TTN: variants seen among roughly 807,000 people sequenced by gnomAD.
TTN encodes the protein connectin.
A neutral mutation model predicts 3,223.0 loss-of-function variants in TTN; 1,525 were observed. The observed-to-expected ratio is 0.47, with a 90% CI of 0.45 to 0.49. The LOEUF (loss-of-function observed/expected upper bound fraction) is 0.49. TTN is among the 20% of genes least tolerant of loss of function. The probability of loss-of-function intolerance (pLI) is 0.00; values close to 1 mark genes in which losing one functional copy is unlikely to be tolerated. For synonymous variants in TTN, 14,094 were observed against 15,161.0 expected, an observed-to-expected ratio of 0.93 and a Z score of 5.17; for missense variants, 40,786 against 43,424.0, an observed-to-expected ratio of 0.94 and a Z score of 5.40.
chr2:178,554,481 A>G lies in TTN; in HGVS notation c.88866T>C (p.Ser29622=), dbSNP rs779622110. ...ATGCGTTCTTGGCTACAACGGAATC[A>G]GATTCCAGTGGCTCGCCAATTCCAT... is the stretch of plus-strand genomic sequence containing the variant. ...NKYGIGEPLE[S]DSVVAKNAFV... is the part of the protein sequence containing the mutation. Residue 29622 remains serine, a synonymous_variant, in exon 332 of 363, where the codon TCT becomes TCC. Transcript: ENST00000589042. 1 of 1,613,458 alleles carries G rather than the reference A, an allele frequency of 6.2e-7. No homozygotes were observed. The highest frequency in any genetic ancestry group is 8.5e-7 in the Non-Finnish European group (1 of 1,179,730).
At chr2:178,616,411 C>T in intron 257 of TTN, 68 bp downstream of exon 257, 2 of 1,581,742 alleles carry the variant, frequency 1.3e-6, no homozygotes, top group Non-Finnish European at 1.7e-6. Flanking sequence ...TTTTGTATGG[C>T]ATCCCAACCT....
Position 178,789,971 on chromosome 2 carries a change from T to C in TTN, c.1938+7A>G. 1.2e-6 allele frequency: 2 copies of C among 1,612,738 alleles called. No individual in the cohort carries two copies. Among genetic ancestry groups the C allele is most frequent in the East Asian group, 4.5e-5 (2 of 44,702 alleles). On this transcript the variant is annotated splice_region_variant and intron_variant, in intron 12 of 362. Transcript: ENST00000589042. ...GAACTTTTCACAGCTCAAATATCTG[T>C]ATTCACCTTCTCCTGAGTTATTTGC...
intron 13 of TTN, 83 bp downstream of exon 13, chr2:178,789,269 ATATTAATG>A: frequency 6.5e-7 from 1 of 1,530,658 alleles, no homozygotes; most frequent in African/African-American, 1.4e-5. Flanking sequence ...CAGAGACTTG[ATATTAATG>A]TATTACAATA....
At chr2:178,577,922 TCAAA>T in intron 322 of TTN, 24 bp from the exon 323 acceptor site, 1 of 1,586,534 alleles carries the variant, frequency 6.3e-7, no homozygotes, top group Non-Finnish European at 8.6e-7. Context: ...GCAAAACCAG[TCAAA>T]CAAATACCAG....
At position 178,530,855 on chromosome 2, in the gene TTN, T is replaced by G. The variant is rs1444261180; in HGVS notation, c.105760A>C (p.Lys35254Gln). The G allele has an allele frequency of 6.2e-7, 1 of 1,613,904 alleles. No homozygotes were observed. The highest frequency in any genetic ancestry group is 8.5e-7 in the Non-Finnish European group (1 of 1,179,868). ...TTCGGGTGAGAAGGTTCTGGAGATTTCACTCGTTTTGGAGACTTAACTGCT... is the reference window on the plus strand; with the variant it reads ...TTCGGGTGAGAAGGTTCTGGAGATTGCACTCGTTTTGGAGACTTAACTGCT... ...PEAVKSPKRVKSPEPSHPKAV... is the reference protein window; with the variant it reads ...PEAVKSPKRVQSPEPSHPKAV... Residue 35254 changes from lysine to glutamine, a missense_variant, in exon 358 of 363, where the codon AAA becomes CAA. Physicochemically the swap from Lys to Gln is moderately conservative, Grantham distance 53. Coordinates refer to ENST00000589042, the MANE Select transcript of TTN (RefSeq NM_001267550.2).
chr2:178,733,906 G>A lies in TTN; in HGVS notation c.15497-14C>T, dbSNP rs376164442. 1.3e-6 allele frequency: 2 copies of A among 1,571,170 alleles called. No homozygotes were observed. Among genetic ancestry groups the A allele is most frequent in the Admixed American group, 1.8e-5 (1 of 54,324 alleles). The stretch of plus-strand genomic sequence containing the variant: ...AGGTTGGAGGTTCTAGTTAAGGAAA[G>A]AGAGCATATAAAACATATCAATTCC... On this transcript the variant is annotated splice_polypyrimidine_tract_variant and intron_variant, in intron 52 of 362. Transcript: ENST00000589042.
intron 49 of TTN, 198 bp downstream of exon 49, chr2:178,737,884 G>C (rs1487624048): frequency 1.9e-6 from 1 of 530,362 alleles, no homozygotes; most frequent in African/African-American, 1.9e-5. Flanking sequence ...TTTTTTCTTT[G>C]GTCAGTAGTA....
chr2:178,575,457 C>T lies in TTN; in HGVS notation c.70675G>A (p.Asp23559Asn), dbSNP rs777257261. 5.6e-6 allele frequency: 9 copies of T among 1,613,468 alleles called. No homozygotes were observed. The highest frequency in any genetic ancestry group is 2.7e-5 in the African/African-American group (2 of 74,912). The change falls in exon 326 of 363, where the codon GAT becomes AAT. Residue 23559 changes from aspartate (D) to asparagine (N), a missense_variant. Physicochemically the swap from Asp to Asn is conservative, Grantham distance 23. Transcript: ENST00000589042. This position sits in a 1 kb window ranked among gnomAD's most constrained non-coding sequence, Gnocchi z 4.0. Reference sequence around the variant, plus strand: ...TAGCCAGTGATCTTGCTGCCACCATCGTGTTTGGGCTTAGGCCATGCCAGG... The same window carrying T: ...TAGCCAGTGATCTTGCTGCCACCATTGTGTTTGGGCTTAGGCCATGCCAGG... ...VSLAWPKPKH[D>N]GGSKITGYVI...
chr2:178,671,050 G>A, intron 156 of TTN, 40 bp downstream of exon 156: 1 of 1,473,884 alleles, frequency 6.8e-7, no homozygotes, highest in Middle Eastern at 1.8e-4. Context: ...AGGTGCTATT[G>A]TATGTAAAGT....
Position 178,547,469 on chromosome 2 carries a change from T to C in TTN, c.94157A>G (p.Glu31386Gly). Reference protein sequence around the residue: ...YMEYSFRVSSENRFGVSKPLE... With the variant: ...YMEYSFRVSSGNRFGVSKPLE... ...AGGTTTGCTGACACCAAATCTGTTC[T>C]CTGAACTGACACGGAAAGAATATTC... Residue 31386 changes from glutamate (E) to glycine (G), a missense_variant, in exon 339 of 363, where the codon GAG becomes GGG. Transcript: ENST00000589042. 1.2e-6 allele frequency: 2 copies of C among 1,612,350 alleles called. No homozygotes were observed. The highest frequency in any genetic ancestry group is 1.7e-6 in the Non-Finnish European group (2 of 1,179,002).
rs1693456839 is a variant in TTN, at chr2:178,539,747, T to C, written c.98318A>G (p.Tyr32773Cys). Residue 32773 changes from tyrosine (Y) to cysteine (C), a missense_variant, in exon 352 of 363, where the codon TAT becomes TGT. Physicochemically the swap from Tyr to Cys is radical, Grantham distance 194. Transcript: ENST00000589042. ...ACATTTATTTTCCAGAACCAGGTCATAAGTGCCAGAATCACCCCTGTCTGC... is the reference window on the plus strand; with the variant it reads ...ACATTTATTTTCCAGAACCAGGTCACAAGTGCCAGAATCACCCCTGTCTGC... ...KEADRGDSGTYDLVLENKCGK... is the reference protein window; with the variant it reads ...KEADRGDSGTCDLVLENKCGK... The C allele has an allele frequency of 6.2e-7, 1 of 1,613,698 alleles. No individual in the cohort carries two copies. The highest frequency in any genetic ancestry group is 1.3e-5 in the African/African-American group (1 of 74,904).
In TTN at chr2:178,768,653, T is replaced by G; in HGVS notation, c.9163+20A>C. On this transcript the variant is annotated intron_variant, in intron 38 of 362. Coordinates refer to ENST00000589042, the MANE Select transcript of TTN (RefSeq NM_001267550.2). ...ATGTATGACATTTTTTCTATGGATC[T>G]AATATGTATGAAACCATACCTTCCA... 1 of 1,614,042 alleles carries G rather than the reference T, an allele frequency of 6.2e-7. No homozygotes were observed. Among genetic ancestry groups the G allele is most frequent in the Non-Finnish European group, 8.5e-7 (1 of 1,179,996 alleles).
rs1482174421 is a variant in TTN, at chr2:178,560,084, A to G, written c.86048T>C (p.Ile28683Thr). 1 of 1,613,532 alleles carries G rather than the reference A, an allele frequency of 6.2e-7. No individual in the cohort carries two copies. The highest frequency in any genetic ancestry group is 1.3e-5 in the African/African-American group (1 of 74,892). ...VKPLFDGGAP[I>T]TGYTVEYKKS... The stretch of plus-strand genomic sequence containing the variant: ...TTTGTATTCTACAGTATATCCAGTT[A>G]TCGGGGCCCCACCATCAAACAGCGG... The change falls in exon 326 of 363, where the codon ATA (isoleucine) becomes ACA (threonine). Residue 28683 changes from isoleucine to threonine, a missense_variant. Ile to Thr is a moderately conservative substitution (Grantham distance 89). Transcript: ENST00000589042.
At chr2:178,795,977 T>C (rs1023663748) in intron 6 of TTN, among the ~76,000 whole-genome samples, 1 of 152,236 alleles carries the variant, frequency 6.6e-6, no homozygotes, top group Admixed American at 6.5e-5. Flanking sequence ...TCTTTAGAGT[T>C]ATTGTGGGAA....
intron 117 of TTN, among the ~76,000 whole-genome samples, 182 bp from the exon 118 acceptor site, chr2:178,694,190 C>T (rs1200142202): frequency 2.6e-5 from 4 of 152,116 alleles, no homozygotes; most frequent in Non-Finnish European, 5.9e-5. Flanking sequence ...ACAAACAATG[C>T]ATGCAGCCTT....
chr2:178,695,847 C>T lies in TTN; in HGVS notation c.31207+18G>A. 1 of 1,371,636 alleles carries T rather than the reference C, an allele frequency of 7.3e-7. No homozygotes were observed. 85.0% of individuals were successfully genotyped at this position (1,371,636 alleles called of 1,614,324 possible). A position where few individuals can be genotyped will look rare whatever the true frequency, so the allele number is the denominator to read the frequency against. On this transcript the variant is annotated intron_variant, in intron 114 of 362. Transcript: ENST00000589042. ...AAATGAAGAAAAGAGGGAAACAAGT[C>T]ATTCAGTTTATACATACCTTCATAG...
At position 178,621,935 on chromosome 2, in the gene TTN, C is replaced by A. The variant is rs762128685; in HGVS notation, c.44987G>T (p.Arg14996Leu). The A allele has an allele frequency of 3.7e-6, 6 of 1,611,860 alleles. No homozygotes were observed. Among genetic ancestry groups the A allele is most frequent in the Non-Finnish European group, 5.1e-6 (6 of 1,178,866 alleles). ...KYDIISKGAV[R>L]ILVINKCLLD... ...TAGACATTTGTTGATGACAAGAATG[C>A]GCACTGCTCCCTTGGATATGATGTC... Residue 14996 changes from arginine (R) to leucine (L), a missense_variant, in exon 244 of 363, where the codon CGC (arginine) becomes CTC (leucine). Physicochemically the swap from Arg to Leu is moderately radical, Grantham distance 102. Transcript: ENST00000589042.
chr2:178,755,478 C>G (rs1401695859), intron 46 of TTN, among the ~76,000 whole-genome samples: 1 of 152,074 alleles, frequency 6.6e-6, no homozygotes, highest in Non-Finnish European at 1.5e-5. Context: ...TTCTGTTGCC[C>G]AGGCTGGAGT....
In TTN at chr2:178,732,332, A is replaced by C. The variant is rs903298127; in HGVS notation, c.16637T>G (p.Val5546Gly). The C allele has an allele frequency of 6.2e-7, 1 of 1,601,788 alleles. No homozygotes were observed. Among genetic ancestry groups the C allele is most frequent in the Non-Finnish European group, 8.5e-7 (1 of 1,173,024 alleles). Residue 5546 changes from valine to glycine, a missense_variant, in exon 57 of 363, where the codon GTT (valine) becomes GGT (glycine). Val to Gly is a moderately radical substitution (Grantham distance 109). Transcript: ENST00000589042. ...NLFVKEPATF[V>G]EKLEPSQLLK... ...CAGCTGTGATGGCTCTAACTTTTCA[A>C]CAAATGTGGCAGGTTCTGTGGAAGG...
Sources: gnomAD v4.1 joint callset for allele counts (sites outside exome capture counted in the v4.1 genomes callset) on GRCh38, gnomAD v4.1.1 for gene constraint, Gnocchi (gnomAD v3.1) non-coding constraint, MANE v1.5 for transcripts, NCBI Gene and HGNC (gene_info 2026-07-23, HGNC 2026-07-21) for gene names.